The following PARVA variants were observed in gnomAD, a reference collection of about 807,000 sequenced individuals.
The protein encoded by PARVA is parvin alpha, also known as alpha-parvin.
Under a neutral mutation model 52.6 loss-of-function variants are expected in PARVA, and 25 were observed. The ratio of observed to expected loss-of-function variants is 0.48; its 90% CI spans 0.35 to 0.66. The LOEUF (loss-of-function observed/expected upper bound fraction) is 0.66. PARVA is among the 30% of genes least tolerant of loss of function. The pLI is 0.01. For synonymous variants in PARVA, 185 were observed against 179.1 expected (o/e 1.03, Z -0.26); for missense variants, 373 against 450.9 (o/e 0.83, Z 1.56).
At chr11:12,426,264 A>G (rs1263493467) in intron 1 of PARVA, among the ~76,000 whole-genome samples, 2 of 152,238 alleles carry the variant, frequency 1.3e-5, no homozygotes, top group Admixed American at 6.5e-5. Flanking sequence ...AGGATGGGTC[A>G]CTAACCATGT....
intron 1 of PARVA, among the ~76,000 whole-genome samples, chr11:12,400,650 T>C (rs1480117644): frequency 6.6e-6 from 1 of 152,236 alleles, no homozygotes; most frequent in Non-Finnish European, 1.5e-5. Context: ...TTCAGCCTTA[T>C]TAAAAATTTT....
chr11:12,504,549 G>A (rs558992772), intron 6 of PARVA, 120 bp downstream of exon 6: 7 of 671,896 alleles, frequency 1.0e-5, no homozygotes, highest in Admixed American at 2.3e-5. Context: ...GAGCCTGGGT[G>A]TGCAGTATAT....
Position 12,527,881 on chromosome 11 carries a change from C to A in PARVA, c.1075C>A (p.Arg359=). The A allele has an allele frequency of 6.2e-7, 1 of 1,613,382 alleles. No homozygotes were observed. The highest frequency in any genetic ancestry group is 1.3e-5 in the African/African-American group (1 of 75,026). Reference sequence around the variant, plus strand: ...CAACTGTGACCTGAAATCTACACTACGAGTGTTGTACAACCTCTTCACCAA... The same window carrying A: ...CAACTGTGACCTGAAATCTACACTAAGAGTGTTGTACAACCTCTTCACCAA... The part of the protein sequence containing the change: ...IVNCDLKSTL[R]VLYNLFTKYR... Residue 359 remains arginine, a synonymous_variant, in exon 13 of 13, where the codon CGA becomes AGA. Transcript: ENST00000334956.
chr11:12,387,070 C>G (rs1030619778), intron 1 of PARVA, among the ~76,000 whole-genome samples: 1 of 152,232 alleles, frequency 6.6e-6, no homozygotes, highest in African/African-American at 2.4e-5. Context: ...ATGAAATCCT[C>G]ATGTAAACAT....
rs116124398 is a variant in PARVA at position 12,506,271 on chromosome 11, T to C, written c.657+1842T>C. Among the ~76,000 whole-genome samples, 296 of 152,322 alleles carry C rather than the reference T, an allele frequency of 1.9e-3. 2 individuals are homozygous for C. The highest frequency in any genetic ancestry group is 6.7e-3 in the African/African-American group (278 of 41,566). On this transcript the variant is annotated intron_variant, in intron 6 of 12. Coordinates refer to ENST00000334956, the MANE Select transcript of PARVA (RefSeq NM_018222.5). ...CTAACATTGAAATTTTTAAAAATTA[T>C]TTTCATAAGTAAACATACTGCTGTT...
intron 1 of PARVA, among the ~76,000 whole-genome samples, chr11:12,428,876 T>G (rs541823356): frequency 6.6e-6 from 1 of 152,212 alleles, no homozygotes; most frequent in East Asian, 1.9e-4. Flanking sequence ...GCTAAGTGAA[T>G]AAAAACAGAA....
chr11:12,433,835 A>G (rs1306431497), intron 1 of PARVA, among the ~76,000 whole-genome samples: 1 of 152,200 alleles, frequency 6.6e-6, no homozygotes, highest in Non-Finnish European at 1.5e-5. Flanking sequence ...AACATGGTTC[A>G]TATTGTTTAG....
chr11:12,507,191 A>T (rs1941441479), intron 6 of PARVA, among the ~76,000 whole-genome samples: 1 of 151,960 alleles, frequency 6.6e-6, no homozygotes, highest in South Asian at 2.1e-4. Flanking sequence ...GGTTCTGTGG[A>T]ACTTTGGGCA....
At chr11:12,494,990 A>G (rs10765954) in intron 4 of PARVA, among the ~76,000 whole-genome samples, 52,913 of 152,100 alleles carry the variant, frequency 0.35, 11,046 homozygotes, top group East Asian at 0.55. Flanking sequence ...ACTTGCTTCT[A>G]TAGAGACAAT....
intron 1 of PARVA, among the ~76,000 whole-genome samples, chr11:12,411,393 T>A (rs1355397796): frequency 6.6e-6 from 1 of 152,244 alleles, no homozygotes; most frequent in Non-Finnish European, 1.5e-5. Flanking sequence ...ACATTTATTA[T>A]AATTAATGAA....
chr11:12,404,263 A>T (rs1939871240), intron 1 of PARVA, among the ~76,000 whole-genome samples: 1 of 152,302 alleles, frequency 6.6e-6, no homozygotes, highest in Middle Eastern at 3.4e-3. Context: ...AGATTATAGC[A>T]GGATATTCCA....
chr11:12,465,600 G>A (rs117165230), intron 1 of PARVA, among the ~76,000 whole-genome samples: 2,117 of 152,116 alleles, frequency 0.014, 44 homozygotes, highest in African/African-American at 0.044. Context: ...CCAGAATGTC[G>A]TATAATTAGA....
At chr11:12,382,694 A>G (rs1939510436) in intron 1 of PARVA, among the ~76,000 whole-genome samples, 1 of 152,204 alleles carries the variant, frequency 6.6e-6, no homozygotes, top group Non-Finnish European at 1.5e-5. Flanking sequence ...AACAAGGGTT[A>G]AAAGCATGGT....
intron 1 of PARVA, among the ~76,000 whole-genome samples, 157 bp from the exon 2 acceptor site, chr11:12,473,588 A>G (rs1161185894): frequency 6.6e-6 from 1 of 152,192 alleles, no homozygotes; most frequent in Non-Finnish European, 1.5e-5. Flanking sequence ...CCTTTCAGCC[A>G]GGCGAGGCCA....
At chr11:12,385,646 A>G (rs909194321) in intron 1 of PARVA, among the ~76,000 whole-genome samples, 30 of 152,218 alleles carry the variant, frequency 2.0e-4, no homozygotes, top group African/African-American at 6.5e-4. Flanking sequence ...GGTTTGCACT[A>G]TTCAGCTCTG....
chr11:12,507,703 C>T (rs533065570), intron 6 of PARVA, among the ~76,000 whole-genome samples: 3 of 152,228 alleles, frequency 2.0e-5, no homozygotes, highest in East Asian at 3.9e-4. Flanking sequence ...AGGGTGACCA[C>T]GTAATCTATT....
intron 1 of PARVA, among the ~76,000 whole-genome samples, chr11:12,425,459 C>T (rs1043486714): frequency 2.0e-5 from 3 of 152,166 alleles, no homozygotes; most frequent in African/African-American, 7.2e-5. Context: ...CCCCAAAATA[C>T]CTTGATCTCC....
chr11:12,513,487 G>A, intron 9 of PARVA, 127 bp downstream of exon 9: 1 of 843,662 alleles, frequency 1.2e-6, no homozygotes, highest in African/African-American at 1.7e-5. Context: ...TGCACACACA[G>A]GGCTTTCCCC....
In PARVA at chr11:12,533,653, T is replaced by A. The variant is rs1204629477; in HGVS notation, c.*5728T>A. Among the ~76,000 whole-genome samples, 2 of 152,206 alleles carry A rather than the reference T, an allele frequency of 1.3e-5. No individual in the cohort carries two copies. Among genetic ancestry groups the A allele is most frequent in the Non-Finnish European group, 2.9e-5 (2 of 68,032 alleles). The stretch of plus-strand genomic sequence containing the variant: ...ACACGGTCAATTAACACATAGCTAG[T>A]ATGTTATGTGCATTATATACTATAT... On this transcript the variant is annotated 3_prime_UTR_variant, in exon 13 of 13. Coordinates refer to ENST00000334956, the MANE Select transcript of PARVA (RefSeq NM_018222.5).
Sources: gnomAD v4.1 joint callset for allele counts (sites outside exome capture counted in the v4.1 genomes callset) on GRCh38, gnomAD v4.1.1 for gene constraint, MANE v1.5 for transcripts, NCBI Gene and HGNC (gene_info 2026-07-23, HGNC 2026-07-21) for gene names.